The following SLCO3A1 variants were observed in gnomAD, a reference collection of about 807,000 sequenced individuals.
SLCO3A1 encodes the protein PGE1 transporter.
SLCO3A1 carries 27 observed loss-of-function variants against 63.1 expected under a neutral mutation model. The observed-to-expected ratio is 0.43, with a 90% CI of 0.32 to 0.59. The LOEUF (loss-of-function observed/expected upper bound fraction) is 0.59, where lower values mean the gene tolerates loss of function less well. Among genes scored for constraint, SLCO3A1 ranks in the 20% least tolerant of loss-of-function variants. SLCO3A1 has a pLI of 0.09. For synonymous variants in SLCO3A1, 473 were observed against 409.9 expected, an observed-to-expected ratio of 1.15 and a Z score of -1.86; for missense variants, 773 against 945.8, an observed-to-expected ratio of 0.82 and a Z score of 2.40.
chr15:91,876,083 T>G (rs1033636390), intron 1 of SLCO3A1, among the ~76,000 whole-genome samples: 5 of 152,210 alleles, frequency 3.3e-5, no homozygotes, highest in Non-Finnish European at 7.3e-5. Context: ...GGTGGACAGA[T>G]AGTTTGAACC....
intron 2 of SLCO3A1, among the ~76,000 whole-genome samples, chr15:91,980,970 G>A (rs994066346): frequency 5.3e-5 from 8 of 152,202 alleles, no homozygotes; most frequent in Non-Finnish European, 1.2e-4. Flanking sequence ...CCACTGGGGC[G>A]AAATTACTGG....
intron 4 of SLCO3A1, among the ~76,000 whole-genome samples, chr15:92,112,421 C>A (rs2047740076): frequency 6.6e-6 from 1 of 152,224 alleles, no homozygotes; most frequent in South Asian, 2.1e-4. Context: ...TGTTTCCCAG[C>A]CAGGAGTTTG....
At chr15:91,989,976 C>G (rs1277436891) in intron 2 of SLCO3A1, among the ~76,000 whole-genome samples, 2 of 152,172 alleles carry the variant, frequency 1.3e-5, no homozygotes, top group Non-Finnish European at 2.9e-5. Context: ...TCCTAATCAT[C>G]TAGAATATTT....
chr15:92,062,273 G>C (rs1011667308), intron 2 of SLCO3A1, among the ~76,000 whole-genome samples: 2 of 152,212 alleles, frequency 1.3e-5, no homozygotes, highest in African/African-American at 4.8e-5. Flanking sequence ...TATGGAGGAG[G>C]TGACATTTGC....
At chr15:91,981,618 C>T (rs964688987) in intron 2 of SLCO3A1, among the ~76,000 whole-genome samples, 5 of 151,988 alleles carry the variant, frequency 3.3e-5, no homozygotes, top group Admixed American at 2.6e-4. Context: ...AGGATTTTTT[C>T]GGAAAAAATT....
intron 6 of SLCO3A1, among the ~76,000 whole-genome samples, chr15:92,127,855 A>T (rs1382715351): frequency 6.6e-6 from 1 of 152,194 alleles, no homozygotes; most frequent in Non-Finnish European, 1.5e-5. Context: ...TAGGGGAGGA[A>T]TAAAGCAAAG....
At chr15:91,870,984 G>T (rs1174205588) in intron 1 of SLCO3A1, among the ~76,000 whole-genome samples, 1 of 151,862 alleles carries the variant, frequency 6.6e-6, no homozygotes, top group Admixed American at 6.6e-5. Context: ...TTCTCTGGCT[G>T]AGTTACGTTT....
Position 92,012,746 on chromosome 15 carries a change from A to T in SLCO3A1, c.647-82135A>T, listed in dbSNP as rs1012540262. ...GATGAAATGCTGTCTCTAATTTAAA[A>T]AAAAAAAAAAAAAAAAAGGCTCAGA... On this transcript the variant is annotated intron_variant, in intron 2 of 9. Coordinates refer to ENST00000318445, the MANE Select transcript of SLCO3A1 (RefSeq NM_013272.4). Among the ~76,000 whole-genome samples, 253 of 65,110 alleles carry T rather than the reference A, an allele frequency of 3.9e-3. 1 individual carries two copies. The highest frequency in any genetic ancestry group is 0.018 in the African/African-American group (232 of 13,160). The allele number at this position is 65,110 out of a possible 152,430, so 42.7% of individuals were successfully genotyped here.
chr15:92,167,099 G>C (rs1448316266), downstream of SLCO3A1, among the ~76,000 whole-genome samples: 1 of 152,218 alleles, frequency 6.6e-6, no homozygotes, highest in Non-Finnish European at 1.5e-5. Context: ...TATTTTATTT[G>C]ATTTGGTTTA....
intron 10 of SLCO3A1, chr15:92,171,558 T>C (rs932821205): frequency 4.7e-5 from 24 of 515,818 alleles, no homozygotes; most frequent in Non-Finnish European, 1.4e-5. Flanking sequence ...TAAATATCCT[T>C]CCCAGAAAGG....
intron 2 of SLCO3A1, among the ~76,000 whole-genome samples, chr15:91,966,231 T>C (rs910254544): frequency 3.3e-5 from 5 of 152,020 alleles, no homozygotes; most frequent in African/African-American, 1.2e-4. Context: ...TCAGATGAGG[T>C]CAGGACATTT....
In SLCO3A1 at chr15:91,854,461, A is replaced by G. The variant is rs1896860924; in HGVS notation, c.180+373A>G. The G allele has an allele frequency of 3.7e-6, 3 of 808,916 alleles. No homozygotes were observed. Among genetic ancestry groups the G allele is most frequent in the Admixed American group, 1.2e-4 (2 of 16,468 alleles). 50.1% of individuals were successfully genotyped at this position (808,916 alleles called of 1,614,324 possible). On this transcript the variant is annotated intron_variant, in intron 1 of 9. Coordinates refer to ENST00000318445, the MANE Select transcript of SLCO3A1 (RefSeq NM_013272.4). The surrounding 1 kb of genome is among the most constrained non-coding windows in gnomAD (Gnocchi z 6.4). Reference sequence around the variant, plus strand: ...GGAACGAAAAAGCGTCGGGGTTTTCAGGTGACCTGCACATGGGAAGAAAAA... The same window carrying G: ...GGAACGAAAAAGCGTCGGGGTTTTCGGGTGACCTGCACATGGGAAGAAAAA...
downstream of SLCO3A1, among the ~76,000 whole-genome samples, chr15:92,169,582 G>T (rs1047747772): frequency 6.2e-5 from 9 of 144,984 alleles, no homozygotes; most frequent in African/African-American, 2.4e-4. Flanking sequence ...TCAGATAGGA[G>T]ACTCCTAGTG....
chr15:91,937,983 C>G (rs1184639326), intron 2 of SLCO3A1, among the ~76,000 whole-genome samples: 1 of 152,112 alleles, frequency 6.6e-6, no homozygotes, highest in Non-Finnish European at 1.5e-5. Flanking sequence ...GAGGATGAAT[C>G]AGTTAATACA....
chr15:91,969,970 C>A (rs1900799892), intron 2 of SLCO3A1, among the ~76,000 whole-genome samples: 1 of 152,152 alleles, frequency 6.6e-6, no homozygotes, highest in South Asian at 2.1e-4. Context: ...TGTCAAAATC[C>A]TCCAGCATAA....
At position 92,165,806 on chromosome 15, in the gene SLCO3A1, A is replaced by G; in HGVS notation, c.*2671A>G. 2.0e-6 allele frequency: 2 copies of G among 985,308 alleles called. No individual in the cohort carries two copies. The highest frequency in any genetic ancestry group is 2.4e-6 in the Non-Finnish European group (2 of 829,834). The allele number at this position is 985,308 out of a possible 1,614,324, so 61.0% of individuals were successfully genotyped here. ...CAACACTAGATCCAGCCCCTCGATT[A>G]TCTGTTTGGTTTCAAGTGAATGAAA... is the stretch of plus-strand genomic sequence containing the variant. On this transcript the variant is annotated 3_prime_UTR_variant, in exon 10 of 10. Coordinates refer to ENST00000318445, the MANE Select transcript of SLCO3A1 (RefSeq NM_013272.4).
At chr15:92,168,344 A>T (rs1172263691), downstream of SLCO3A1, among the ~76,000 whole-genome samples, 1 of 152,218 alleles carries the variant, frequency 6.6e-6, no homozygotes, top group Non-Finnish European at 1.5e-5. Flanking sequence ...CCACCAAAAC[A>T]TTCACAAGTT....
chr15:91,915,536 A>AGG (rs1386056343), intron 1 of SLCO3A1, among the ~76,000 whole-genome samples: 1 of 152,130 alleles, frequency 6.6e-6, no homozygotes, highest in Non-Finnish European at 1.5e-5. Flanking sequence ...GGTGGGGGAT[A>AGG]GGCTTTGCTA....
intron 4 of SLCO3A1, among the ~76,000 whole-genome samples, chr15:92,113,168 C>T (rs1229480636): frequency 2.6e-5 from 4 of 152,194 alleles, no homozygotes; most frequent in African/African-American, 4.8e-5. Context: ...TCTGTGATCC[C>T]GAGCGGAGCC....
Sources: gnomAD v4.1 joint callset for allele counts (sites outside exome capture counted in the v4.1 genomes callset) on GRCh38, gnomAD v4.1.1 for gene constraint, Gnocchi (gnomAD v3.1) non-coding constraint, MANE v1.5 for transcripts, NCBI Gene and HGNC (gene_info 2026-07-23, HGNC 2026-07-21) for gene names.